The following LAMA2 variants were observed in gnomAD, a reference collection of about 807,000 sequenced individuals.
LAMA2 encodes laminin subunit alpha-2.
A neutral mutation model predicts 364.8 loss-of-function variants in LAMA2; 269 were observed. That is an observed-to-expected ratio of 0.74 (90% confidence interval 0.67 to 0.82). The LOEUF (loss-of-function observed/expected upper bound fraction) is 0.82, where lower values mean the gene tolerates loss of function less well. LAMA2 is among the 40% of genes least tolerant of loss of function. LAMA2 has a pLI of 0.00. For synonymous variants in LAMA2, 1,379 were observed against 1,370.6 expected (o/e 1.01, Z -0.14); for missense variants, 3,807 against 3,873.2 (o/e 0.98, Z 0.45).
intron 1 of LAMA2, among the ~76,000 whole-genome samples, chr6:128,936,260 A>G (rs1020428010): frequency 1.3e-5 from 2 of 152,126 alleles, no homozygotes; most frequent in African/African-American, 4.8e-5. Flanking sequence ...CTTATTCCTA[A>G]TCTCAGAAAA....
Position 129,193,482 on chromosome 6 carries a change from T to C in LAMA2, c.1782+629T>C, listed in dbSNP as rs531771581. On this transcript the variant is annotated intron_variant, in intron 12 of 64. Transcript: ENST00000421865. The stretch of plus-strand genomic sequence containing the variant: ...TAAACAAATGTAGCAGCCTCAGAAA[T>C]ACAGGCTTATTTTTTTCTGTTGTGG... Among the ~76,000 whole-genome samples the C allele has an allele frequency of 4.9e-4, 75 of 152,328 alleles. 1 individual carries two copies. In the Middle Eastern group the frequency reaches 0.01, roughly 21 times the overall value.
At chr6:129,446,204 T>C (rs1309235131) in intron 45 of LAMA2, among the ~76,000 whole-genome samples, 1 of 151,906 alleles carries the variant, frequency 6.6e-6, no homozygotes, top group Admixed American at 6.6e-5. Context: ...AATGGGGTTA[T>C]GGCAGGAATG....
chr6:128,988,174 A>G (rs961139249), intron 1 of LAMA2, among the ~76,000 whole-genome samples: 1 of 152,168 alleles, frequency 6.6e-6, no homozygotes, highest in African/African-American at 2.4e-5. Context: ...CCTAGCATGT[A>G]GTTTTTAAAA....
At chr6:129,402,191 A>G in intron 38 of LAMA2, 133 bp from the exon 39 acceptor site, 1 of 671,952 alleles carries the variant, frequency 1.5e-6, no homozygotes, top group Non-Finnish European at 2.5e-6. Context: ...CCTGGGTGAC[A>G]GAGCAAGACT....
At chr6:129,279,871 A>G (rs764725521) in intron 17 of LAMA2, among the ~76,000 whole-genome samples, 190 bp from the exon 18 acceptor site, 15 of 152,124 alleles carry the variant, frequency 9.9e-5, no homozygotes, top group Non-Finnish European at 2.1e-4. Context: ...GGCTATATTC[A>G]CGTCTGCAGA....
At chr6:129,340,771 G>T (rs553673615) in intron 29 of LAMA2, among the ~76,000 whole-genome samples, 1 of 147,530 alleles carries the variant, frequency 6.8e-6, no homozygotes, top group South Asian at 2.1e-4. Context: ...AGGAGGCAGA[G>T]GTTGCAGTGA....
At chr6:129,079,996 A>G (rs1773936040) in intron 3 of LAMA2, among the ~76,000 whole-genome samples, 1 of 152,164 alleles carries the variant, frequency 6.6e-6, no homozygotes, top group South Asian at 2.1e-4. Flanking sequence ...TATTATTTGT[A>G]TAAATTATAG....
intron 22 of LAMA2, among the ~76,000 whole-genome samples, chr6:129,312,620 C>G (rs1774299880): frequency 6.6e-6 from 1 of 152,156 alleles, no homozygotes; most frequent in South Asian, 2.1e-4. Flanking sequence ...GACACATTTT[C>G]TTTCTAATTC....
rs13210852 is a variant in LAMA2 at position 129,088,104 on chromosome 6, C to T, written c.397-10069C>T. The stretch of plus-strand genomic sequence containing the variant: ...CAGGGAGTCCTGATGACTCTTAACG[C>T]GCATGCTGCCTTAAAGCATCTGTTT... On this transcript the variant is annotated intron_variant, in intron 3 of 64. Transcript: ENST00000421865. 8.1e-5 allele frequency among the ~76,000 whole-genome samples: 2 copies of T among 24,556 alleles called. 1 individual carries two copies. Among genetic ancestry groups the T allele is most frequent in the South Asian group, 4.6e-3 (2 of 434 alleles). 16.1% of individuals were successfully genotyped at this position (24,556 alleles called of 152,430 possible). A position where few individuals can be genotyped will look rare whatever the true frequency, so the allele number is the denominator to read the frequency against.
intron 31 of LAMA2, 23 bp from the exon 32 acceptor site, chr6:129,353,141 G>A: frequency 6.3e-7 from 1 of 1,598,356 alleles, no homozygotes; most frequent in Non-Finnish European, 8.6e-7. Context: ...AACCTCTTTT[G>A]CTTTGTCACT....
chr6:129,338,814 A>G (rs1776096516), intron 29 of LAMA2, among the ~76,000 whole-genome samples: 1 of 152,214 alleles, frequency 6.6e-6, no homozygotes, highest in South Asian at 2.1e-4. Flanking sequence ...TATACACTGT[A>G]GAGCTAAGGA....
At chr6:129,020,186 T>C (rs1273768910) in intron 1 of LAMA2, among the ~76,000 whole-genome samples, 2 of 151,898 alleles carry the variant, frequency 1.3e-5, no homozygotes, top group Non-Finnish European at 2.9e-5. Flanking sequence ...CCAGGCAGCA[T>C]TAAATGTAAG....
At chr6:129,503,833 G>A (rs1190376645) in intron 60 of LAMA2, among the ~76,000 whole-genome samples, 1 of 152,098 alleles carries the variant, frequency 6.6e-6, no homozygotes, top group Non-Finnish European at 1.5e-5. Context: ...AGGGCTCTAA[G>A]GTATCATTTC....
At chr6:129,072,304 A>G (rs1377152482) in intron 3 of LAMA2, among the ~76,000 whole-genome samples, 1 of 152,160 alleles carries the variant, frequency 6.6e-6, no homozygotes, top group Non-Finnish European at 1.5e-5. Context: ...ATTTTGTATT[A>G]ACTCTTTTGT....
In LAMA2 at chr6:129,423,124, A is replaced by AAATGCGTCT. The variant is rs1253293674; in HGVS notation, c.5866-4626_5866-4618dup. ...ATTGATACAGCAAAGGCATTTGACAAAATGCGTCTATTTTTTTTTAAAAAC... is the reference window on the plus strand; with the variant it reads ...ATTGATACAGCAAAGGCATTTGACAAAATGCGTCTAATGCGTCTATTTTTTTTTAAAAAC... On this transcript the variant is annotated intron_variant, in intron 40 of 64. Transcript: ENST00000421865. Among the ~76,000 whole-genome samples, 14 of 152,182 alleles carry AAATGCGTCT rather than the reference A, an allele frequency of 9.2e-5. 1 individual carries two copies. In the South Asian group the frequency reaches 1.7e-3, roughly 18 times the overall value.
In LAMA2 at chr6:129,383,155, G is replaced by A. The variant is rs373997222; in HGVS notation, c.4993G>A (p.Gly1665Arg). 541 of 1,613,824 alleles carry A rather than the reference G, an allele frequency of 3.4e-4. No homozygotes were observed. The highest frequency in any genetic ancestry group is 1.3e-3 in the South Asian group (122 of 91,054). ...TKVTADGEQT[G>R]QDAERTNTRA... Reference sequence around the variant, plus strand: ...AGTGACAGCAGATGGCGAGCAGACCGGACAGGATGCTGAGAGGACCAACAC... The same window carrying A: ...AGTGACAGCAGATGGCGAGCAGACCAGACAGGATGCTGAGAGGACCAACAC... Residue 1665 changes from glycine to arginine, a missense_variant, in exon 35 of 65, where the codon GGA (glycine) becomes AGA (arginine). Gly to Arg is a moderately radical substitution (Grantham distance 125). Around this residue, in one of 3 missense-constraint regions of LAMA2, gnomAD observed 3,333 missense variants for 3,345.7 expected, o/e 1.00. Coordinates refer to ENST00000421865, the MANE Select transcript of LAMA2 (RefSeq NM_000426.4).
At chr6:129,168,081 T>C (rs1196942810) in intron 9 of LAMA2, among the ~76,000 whole-genome samples, 2 of 145,870 alleles carry the variant, frequency 1.4e-5, no homozygotes, top group African/African-American at 5.1e-5. Flanking sequence ...GTCAGATGAG[T>C]AGGTTGCAAA....
intron 34 of LAMA2, among the ~76,000 whole-genome samples, chr6:129,382,541 T>C (rs1346035152): frequency 6.6e-6 from 1 of 152,246 alleles, no homozygotes; most frequent in African/African-American, 2.4e-5. Flanking sequence ...TGCTATCATA[T>C]GGAAAAGTTA....
chr6:129,423,788 C>A (rs1781195362), intron 40 of LAMA2, among the ~76,000 whole-genome samples: 1 of 151,936 alleles, frequency 6.6e-6, no homozygotes, highest in Non-Finnish European at 1.5e-5. Context: ...AGAGATATAC[C>A]ATGTTCATAG....
Sources: allele counts gnomAD v4.1 joint callset (sites outside exome capture counted in the v4.1 genomes callset), GRCh38; gene constraint gnomAD v4.1.1; regional missense constraint gnomAD v4.1.1; transcripts MANE v1.5; gene names NCBI Gene and HGNC (gene_info 2026-07-23, HGNC 2026-07-21).